The following SCAI variants were observed in gnomAD, a reference collection of about 807,000 sequenced individuals.
SCAI encodes the protein protein SCAI.
SCAI carries 24 observed loss-of-function variants against 92.2 expected under a neutral mutation model. That is an observed-to-expected ratio of 0.26 (90% CI 0.19 to 0.37). The LOEUF is 0.37. SCAI is among the 10% of genes least tolerant of loss of function. The pLI is 1.00. For synonymous variants in SCAI, 261 were observed against 258.6 expected (o/e 1.01, Z -0.09); for missense variants, 450 against 736.2 (o/e 0.61, Z 4.50).
At chr9:124,985,315 G>T (rs1270049392) in intron 14 of SCAI, among the ~76,000 whole-genome samples, 1 of 152,146 alleles carries the variant, frequency 6.6e-6, no homozygotes, top group Non-Finnish European at 1.5e-5. Context: ...GGTTGTCAGT[G>T]TAAGTCAGCC....
At chr9:124,959,523 C>CATATAT (rs1288996904) in intron 17 of SCAI, among the ~76,000 whole-genome samples, 3 of 144,928 alleles carry the variant, frequency 2.1e-5, no homozygotes, top group African/African-American at 7.9e-5. Flanking sequence ...TATATACACA[C>CATATAT]ATATATATAC....
chr9:125,099,794 G>C (rs547931281), intron 2 of SCAI, among the ~76,000 whole-genome samples: 1 of 152,130 alleles, frequency 6.6e-6, no homozygotes, highest in South Asian at 2.1e-4. Context: ...CATATTTGTC[G>C]TTTTGTGTCT....
At chr9:125,039,977 A>T (rs1431872502) in intron 3 of SCAI, among the ~76,000 whole-genome samples, 1 of 152,184 alleles carries the variant, frequency 6.6e-6, no homozygotes, top group Non-Finnish European at 1.5e-5. Context: ...GAAAACAAAA[A>T]TACTATAAAG....
At chr9:125,108,731 G>C (rs1362735563) in intron 2 of SCAI, among the ~76,000 whole-genome samples, 2 of 148,980 alleles carry the variant, frequency 1.3e-5, no homozygotes, top group Non-Finnish European at 3.0e-5. Context: ...GCCCCGTCCA[G>C]GAAGTGAGGA....
At chr9:125,097,187 C>T (rs139956819) in intron 2 of SCAI, among the ~76,000 whole-genome samples, 232 of 152,264 alleles carry the variant, frequency 1.5e-3, no homozygotes, top group African/African-American at 5.1e-3. Flanking sequence ...AATCCCAGCA[C>T]TTTGGGAGAC....
At position 125,067,785 on chromosome 9, in the gene SCAI, G is replaced by A. The variant is rs528817764; in HGVS notation, c.99-11778C>T. 1.8e-4 allele frequency among the ~76,000 whole-genome samples: 28 copies of A among 152,120 alleles called. 1 individual carries two copies. Among genetic ancestry groups the A allele is most frequent in the Non-Finnish European group, 3.8e-4 (26 of 68,032 alleles). ...CTAATACATAGATACATAATACATC[G>A]ATAGAGTCCTTACACAGATTACAAA... is the stretch of plus-strand genomic sequence containing the variant. On this transcript the variant is annotated intron_variant, in intron 2 of 17. Transcript: ENST00000336505.
chr9:124,963,905 T>C (rs2131581398), intron 17 of SCAI, among the ~76,000 whole-genome samples: 1 of 150,542 alleles, frequency 6.6e-6, no homozygotes, highest in Non-Finnish European at 1.5e-5. Flanking sequence ...GGAGGAGGGG[T>C]TGGTCTTGCT....
At chr9:125,043,065 G>A (rs886512315) in intron 3 of SCAI, among the ~76,000 whole-genome samples, 3 of 151,426 alleles carry the variant, frequency 2.0e-5, no homozygotes, top group Admixed American at 6.6e-5. Context: ...ATGAGGTTTC[G>A]CCATGTTGGC....
intron 3 of SCAI, among the ~76,000 whole-genome samples, chr9:125,040,552 A>G (rs1250194676): frequency 6.6e-6 from 1 of 152,214 alleles, no homozygotes; most frequent in Non-Finnish European, 1.5e-5. Context: ...AAAGTAGTAT[A>G]TAATGAACCA....
At chr9:125,045,429 C>T (rs1412408267) in intron 3 of SCAI, among the ~76,000 whole-genome samples, 2 of 152,066 alleles carry the variant, frequency 1.3e-5, no homozygotes, top group East Asian at 3.9e-4. Context: ...TGGTCTTGAA[C>T]TCCTGGCTTC....
chr9:125,031,064 G>T (rs1392172966), intron 3 of SCAI, among the ~76,000 whole-genome samples: 1 of 152,012 alleles, frequency 6.6e-6, no homozygotes, highest in African/African-American at 2.4e-5. Context: ...TTTTTTCAGT[G>T]GGACAAAACA....
intron 3 of SCAI, among the ~76,000 whole-genome samples, chr9:125,034,240 G>A (rs1389240857): frequency 1.3e-5 from 2 of 152,328 alleles, no homozygotes; most frequent in Non-Finnish European, 2.9e-5. Flanking sequence ...CCAGCTGGAA[G>A]ACAGAGGGCA....
intron 7 of SCAI, 68 bp from the exon 8 acceptor site, chr9:125,019,273 A>C (rs1292486687): frequency 1.2e-6 from 1 of 850,028 alleles, no homozygotes; most frequent in Non-Finnish European, 1.9e-6. Context: ...ATATAGAACC[A>C]TATTCCTGAC....
intron 2 of SCAI, among the ~76,000 whole-genome samples, chr9:125,119,473 A>G (rs990838874): frequency 6.6e-6 from 1 of 152,232 alleles, no homozygotes; most frequent in Non-Finnish European, 1.5e-5. Context: ...ATGTAAAATG[A>G]AAGACAGTGA....
chr9:125,119,533 A>G (rs762221636), intron 2 of SCAI, among the ~76,000 whole-genome samples: 6 of 152,252 alleles, frequency 3.9e-5, no homozygotes, highest in Non-Finnish European at 8.8e-5. Flanking sequence ...TTCTTCTCTT[A>G]TAAAACTAAC....
chr9:124,968,521 G>A, intron 17 of SCAI: 2 of 860,500 alleles, frequency 2.3e-6, no homozygotes, highest in Non-Finnish European at 4.1e-6. Flanking sequence ...TCTCTACCCA[G>A]TTTACCAGTT....
chr9:125,081,333 T>C (rs987831825), intron 2 of SCAI, among the ~76,000 whole-genome samples: 4 of 152,140 alleles, frequency 2.6e-5, no homozygotes, highest in African/African-American at 9.7e-5. Context: ...ATGCTGATAG[T>C]GATATGGACA....
chr9:125,130,680 ATT>A (rs151026621), intron 2 of SCAI, among the ~76,000 whole-genome samples: 13 of 141,344 alleles, frequency 9.2e-5, no homozygotes, highest in Admixed American at 1.4e-4. Context: ...ATCCCGGCTA[ATT>A]TTTTTTTTTT....
In SCAI at chr9:125,003,497, G is replaced by A. The variant is rs765303079; in HGVS notation, c.935C>T (p.Ala312Val). 3.1e-6 allele frequency: 5 copies of A among 1,612,588 alleles called. No homozygotes were observed. The highest frequency in any genetic ancestry group is 3.4e-6 in the Non-Finnish European group (4 of 1,178,690). ...QALEREPMNL[A>V]SQMNKPGMQE... is the part of the protein sequence containing the mutation. ...CATTCCTGGTTTATTCATCTGGGAA[G>A]CTAAATTCATTGGCTCCCTTTCCAG... is the stretch of plus-strand genomic sequence containing the variant. The change falls in exon 10 of 18, where the codon GCT becomes GTT. Residue 312 changes from alanine (A) to valine (V), a missense_variant. Around this residue, in one of 3 missense-constraint regions of SCAI, gnomAD observed 360 missense variants for 601.8 expected, o/e 0.60. Coordinates refer to ENST00000336505, the MANE Select transcript of SCAI (RefSeq NM_001144877.3).
Sources: gnomAD v4.1 joint callset for allele counts (sites outside exome capture counted in the v4.1 genomes callset) on GRCh38, gnomAD v4.1.1 for gene constraint, gnomAD v4.1.1 regional missense constraint, MANE v1.5 for transcripts, NCBI Gene and HGNC (gene_info 2026-07-23, HGNC 2026-07-21) for gene names.